SLC48A1: variants seen among roughly 807,000 people sequenced by gnomAD.
SLC48A1 encodes the protein heme transporter HRG1.
A neutral mutation model predicts 14.8 loss-of-function variants in SLC48A1; 6 were observed. The observed-to-expected ratio is 0.41, with a 90% CI of 0.22 to 0.80. The LOEUF (loss-of-function observed/expected upper bound fraction) is 0.80, where lower values mean the gene tolerates loss of function less well. Among genes scored for constraint, SLC48A1 ranks in the 30% least tolerant of loss-of-function variants. The pLI, the probability that SLC48A1 is intolerant of heterozygous loss-of-function variation, is 0.34. For missense variants in SLC48A1, 165 were observed against 204.8 expected (o/e 0.81, Z 1.19); for synonymous variants, 89 against 90.0 (o/e 0.99, Z 0.06).
At chr12:47,779,232 G>A (rs987335306) in intron 2 of SLC48A1, 37 bp downstream of exon 2, 1 of 1,529,798 alleles carries the variant, frequency 6.5e-7, no homozygotes, top group Non-Finnish European at 8.8e-7. Flanking sequence ...GCATGGGAGG[G>A]ACAGCAGCGG....
chr12:47,778,086 C>T (rs936091275), intron 1 of SLC48A1, among the ~76,000 whole-genome samples: 38 of 152,224 alleles, frequency 2.5e-4, no homozygotes, highest in African/African-American at 6.0e-4. Flanking sequence ...CGGGATCCAC[C>T]GCCCTGCCCG....
At chr12:47,758,943 G>T in intron 1 of SLC48A1, 15 of 1,025,306 alleles carry the variant, frequency 1.5e-5, no homozygotes, top group Non-Finnish European at 1.6e-5. Flanking sequence ...CCCTCCCCAG[G>T]ACTGGCGGAG....
upstream of SLC48A1, among the ~76,000 whole-genome samples, chr12:47,770,520 A>G (rs1194152340): frequency 6.6e-6 from 1 of 152,184 alleles, no homozygotes; most frequent in Non-Finnish European, 1.5e-5. Flanking sequence ...AGTATCTACC[A>G]TGTGCTAGGC....
At chr12:47,774,744 C>T (rs1478079720) in intron 1 of SLC48A1, among the ~76,000 whole-genome samples, 1 of 152,088 alleles carries the variant, frequency 6.6e-6, no homozygotes, top group Non-Finnish European at 1.5e-5. Flanking sequence ...GGGATGGGCA[C>T]CCTGGCTAGG....
rs764447653 is a variant in SLC48A1 at position 47,780,539 on chromosome 12, ATC to A, written c.*260_*261del. 6.7e-5 allele frequency: 49 copies of A among 726,604 alleles called. No homozygotes were observed. The highest frequency in any genetic ancestry group is 1.1e-4 in the Non-Finnish European group (42 of 390,858). 45.0% of individuals were successfully genotyped at this position (726,604 alleles called of 1,614,324 possible). A position where few individuals can be genotyped will look rare whatever the true frequency, so the allele number is the denominator to read the frequency against. On this transcript the variant is annotated 3_prime_UTR_variant, in exon 3 of 3. Coordinates refer to ENST00000442218, the MANE Select transcript of SLC48A1 (RefSeq NM_017842.3). Reference sequence around the variant, plus strand: ...GGCAGCTTTAGACCTTTTCAAATGAATCTGTTTTCTTTTCTTTCTTTTTTTTT... The same window carrying A: ...GGCAGCTTTAGACCTTTTCAAATGAATGTTTTCTTTTCTTTCTTTTTTTTT...
chr12:47,759,429 A>C (rs1455980788), intron 1 of SLC48A1, among the ~76,000 whole-genome samples: 1 of 85,770 alleles, frequency 1.2e-5, no homozygotes, highest in Non-Finnish European at 2.6e-5. Flanking sequence ...CAGCACACAC[A>C]CACCGGGAGC....
At chr12:47,758,602 T>TG (rs774314347) in exon 1 of SLC48A1, 30 of 1,612,392 alleles carry the variant, frequency 1.9e-5, no homozygotes, top group Non-Finnish European at 2.5e-5. Context: ...AGCAAAAGGC[T>TG]GGGGGGTCCC....
intron 1 of SLC48A1, among the ~76,000 whole-genome samples, chr12:47,774,950 C>A (rs73304436): frequency 6.6e-6 from 1 of 152,292 alleles, no homozygotes; most frequent in South Asian, 2.1e-4. Flanking sequence ...TGGAAGGCGG[C>A]GTCAGAGCCC....
chr12:47,758,024 G>T (rs1942195919), upstream of SLC48A1: 1 of 1,576,852 alleles, frequency 6.3e-7, no homozygotes, highest in Non-Finnish European at 8.6e-7. Context: ...CCCAGAGCTG[G>T]GCTATCCTCC....
chr12:47,756,212 G>T (rs1317098685), upstream of SLC48A1: 1 of 152,182 alleles, frequency 6.6e-6, no homozygotes, highest in Non-Finnish European at 1.5e-5. Flanking sequence ...CAGCTTGGTG[G>T]CCTCCTCCAC....
At chr12:47,759,312 G>T (rs777694965) in intron 1 of SLC48A1, among the ~76,000 whole-genome samples, 9 of 152,220 alleles carry the variant, frequency 5.9e-5, no homozygotes, top group Non-Finnish European at 7.3e-5. Context: ...TCGGTTCAGG[G>T]TCTCCAGCCG....
upstream of SLC48A1, chr12:47,773,187 G>A (rs1189975663): frequency 1.0e-5 from 10 of 996,278 alleles, no homozygotes; most frequent in African/African-American, 5.3e-5. Context: ...CGGGCCGGGG[G>A]CGGAGCGCGG....
At chr12:47,757,792 T>A (rs552997202), upstream of SLC48A1, 288 of 1,392,634 alleles carry the variant, frequency 2.1e-4, 1 homozygote, top group African/African-American at 3.6e-3. Flanking sequence ...ACCAGCAGCA[T>A]GCCAAGCCAT....
intron 2 of SLC48A1, among the ~76,000 whole-genome samples, chr12:47,765,899 C>T (rs138373895): frequency 6.6e-6 from 1 of 152,202 alleles, no homozygotes; most frequent in African/African-American, 2.4e-5. Flanking sequence ...CCCCTCCTGC[C>T]ATGGCTTTTT....
At chr12:47,756,379 C>T (rs1471210321), upstream of SLC48A1, 1 of 151,966 alleles carries the variant, frequency 6.6e-6, no homozygotes, top group Non-Finnish European at 1.5e-5. Context: ...AGGGAGGGTT[C>T]CAGCCCACTG....
chr12:47,758,386 C>T, upstream of SLC48A1: 1 of 1,516,092 alleles, frequency 6.6e-7, no homozygotes, highest in Non-Finnish European at 8.9e-7. Flanking sequence ...CAGTATGAAG[C>T]TATAGATTCA....
chr12:47,759,130 G>A, intron 1 of SLC48A1: 1 of 983,146 alleles, frequency 1.0e-6, no homozygotes, highest in Non-Finnish European at 1.2e-6. Flanking sequence ...CGCAACGGCC[G>A]GGGTGTCAGG....
chr12:47,775,485 AGTG>A (rs1156439428), intron 1 of SLC48A1, among the ~76,000 whole-genome samples: 2 of 152,136 alleles, frequency 1.3e-5, no homozygotes, highest in Non-Finnish European at 2.9e-5. Flanking sequence ...ACTGCTTGGT[AGTG>A]GTGGTGGTGG....
chr12:47,758,288 C>T (rs1942223764), upstream of SLC48A1: 5 of 1,430,734 alleles, frequency 3.5e-6, no homozygotes, highest in Middle Eastern at 2.5e-4. Flanking sequence ...CCAGCTGGCT[C>T]TTGGAAAAGA....
Sources: allele counts gnomAD v4.1 joint callset (sites outside exome capture counted in the v4.1 genomes callset), GRCh38; gene constraint gnomAD v4.1.1; transcripts MANE v1.5; gene names NCBI Gene and HGNC (gene_info 2026-07-23, HGNC 2026-07-21).